The following CHST8 variants were observed in gnomAD, a reference collection of about 807,000 sequenced individuals.
The protein encoded by CHST8 is GALNAC-4-ST1.
In CHST8, 10 loss-of-function variants were observed where a neutral mutation model predicts 15.0. The ratio of observed to expected loss-of-function variants is 0.67; its 90% CI spans 0.41 to 1.13. The LOEUF is 1.13. CHST8 is among the 50% of genes most tolerant of loss of function. The pLI is 0.00. For missense variants in CHST8, 634 were observed against 608.2 expected, an observed-to-expected ratio of 1.04 and a Z score of -0.45; for synonymous variants, 259 against 256.6, an observed-to-expected ratio of 1.01 and a Z score of -0.09.
chr19:33,688,733 C>A (rs1393835984), intron 2 of CHST8, among the ~76,000 whole-genome samples: 2 of 152,176 alleles, frequency 1.3e-5, no homozygotes, highest in Admixed American at 6.5e-5. Flanking sequence ...AGGGTGGAGG[C>A]ACATCCAAGA....
chr19:33,691,789 G>A (rs1392791704), intron 3 of CHST8, among the ~76,000 whole-genome samples: 1 of 152,234 alleles, frequency 6.6e-6, no homozygotes, highest in Non-Finnish European at 1.5e-5. Flanking sequence ...CATTCTGGGA[G>A]TTGCCCTGCC....
intron 1 of CHST8, among the ~76,000 whole-genome samples, chr19:33,656,638 C>T (rs954535438): frequency 6.6e-6 from 1 of 152,002 alleles, no homozygotes; most frequent in Non-Finnish European, 1.5e-5. Flanking sequence ...AGGGCTCAGG[C>T]GATCCTCCCA....
rs527901496 is a variant in CHST8 at position 33,745,508 on chromosome 19, T to TAGCA, written c.131-25904_131-25901dup. The stretch of plus-strand genomic sequence containing the variant: ...GTGATTCAACCCTAACATTTCATCT[T>TAGCA]AGCATCTGCTCTCTCTGCCCCACTG... On this transcript the variant is annotated intron_variant, in intron 3 of 4. Transcript: ENST00000650847. Among the ~76,000 whole-genome samples the TAGCA allele has an allele frequency of 7.9e-5, 12 of 152,342 alleles. No homozygotes were observed. The South Asian group carries it at 2.3e-3, about 29-fold the overall frequency.
chr19:33,757,520 A>AAGAGAG (rs1491464750), intron 3 of CHST8, among the ~76,000 whole-genome samples: 1 of 20,680 alleles, frequency 4.8e-5, no homozygotes, highest in Non-Finnish European at 8.8e-5. Flanking sequence ...GAAAGAAAGA[A>AAGAGAG]AGAGAAAGAA....
chr19:33,627,500 G>A (rs1276143508), intron 1 of CHST8, among the ~76,000 whole-genome samples: 1 of 152,102 alleles, frequency 6.6e-6, no homozygotes, highest in East Asian at 1.9e-4. Context: ...CTGGGGCTGG[G>A]GGCAGCAGAC....
At chr19:33,661,903 G>A (rs1302533052) in intron 1 of CHST8, among the ~76,000 whole-genome samples, 2 of 151,558 alleles carry the variant, frequency 1.3e-5, no homozygotes, top group South Asian at 4.2e-4. Flanking sequence ...GGGTATGGTG[G>A]TGTGTGCCTG....
intron 1 of CHST8, among the ~76,000 whole-genome samples, chr19:33,651,799 T>G (rs1279149881): frequency 6.6e-6 from 1 of 152,196 alleles, no homozygotes; most frequent in African/African-American, 2.4e-5. Flanking sequence ...AGTGGAGAAT[T>G]CCTTTGTGTC....
At chr19:33,731,542 C>T (rs1973992207) in intron 3 of CHST8, among the ~76,000 whole-genome samples, 1 of 152,186 alleles carries the variant, frequency 6.6e-6, no homozygotes, top group African/African-American at 2.4e-5. Flanking sequence ...AGCTTCTTTA[C>T]CACAGCCTGC....
At chr19:33,771,319 G>A (rs1273297684) in intron 3 of CHST8, 94 bp from the exon 4 acceptor site, 4 of 1,261,702 alleles carry the variant, frequency 3.2e-6, no homozygotes, top group East Asian at 4.6e-5. Context: ...GATCCCTCCA[G>A]CCTGGATGTC....
chr19:33,734,207 C>T (rs1457823527), intron 3 of CHST8, among the ~76,000 whole-genome samples: 1 of 152,196 alleles, frequency 6.6e-6, no homozygotes, highest in East Asian at 1.9e-4. Context: ...GTCCTCACTG[C>T]TACACTCCCA....
intron 3 of CHST8, among the ~76,000 whole-genome samples, chr19:33,716,249 G>T (rs953446928): frequency 6.6e-6 from 1 of 152,078 alleles, no homozygotes; most frequent in Non-Finnish European, 1.5e-5. Flanking sequence ...TGTTTCCTCT[G>T]ATGTCATCTT....
chr19:33,709,114 A>G (rs1359013835), intron 3 of CHST8, among the ~76,000 whole-genome samples: 5 of 152,196 alleles, frequency 3.3e-5, no homozygotes, highest in Admixed American at 2.0e-4. Flanking sequence ...CTAATTGTTT[A>G]TGTAAATTCC....
chr19:33,713,838 G>A (rs932521738), intron 3 of CHST8, among the ~76,000 whole-genome samples: 5 of 152,004 alleles, frequency 3.3e-5, no homozygotes, highest in Non-Finnish European at 4.4e-5. Flanking sequence ...AATTACAGGC[G>A]TTGAGTTACC....
intron 3 of CHST8, among the ~76,000 whole-genome samples, chr19:33,739,935 G>A (rs1372746623): frequency 6.6e-6 from 1 of 152,154 alleles, no homozygotes; most frequent in Admixed American, 6.5e-5. Context: ...AAAGCTAATG[G>A]TTTGGGTTGG....
chr19:33,641,490 G>T (rs1258690848), intron 1 of CHST8, among the ~76,000 whole-genome samples: 1 of 152,210 alleles, frequency 6.6e-6, no homozygotes, highest in East Asian at 1.9e-4. Flanking sequence ...AGCTTGCGGT[G>T]AGGAGTTTTC....
At chr19:33,723,172 G>T (rs1045410857) in intron 3 of CHST8, among the ~76,000 whole-genome samples, 1 of 152,192 alleles carries the variant, frequency 6.6e-6, no homozygotes, top group Non-Finnish European at 1.5e-5. Flanking sequence ...GGTGGGATTG[G>T]ATCTTTGTGT....
chr19:33,635,432 AC>A (rs1174502947), intron 1 of CHST8, among the ~76,000 whole-genome samples: 1 of 152,046 alleles, frequency 6.6e-6, no homozygotes, highest in Non-Finnish European at 1.5e-5. Context: ...CACAACCCTG[AC>A]TTAGCTAGCA....
chr19:33,654,179 T>C (rs762330249), intron 1 of CHST8, among the ~76,000 whole-genome samples: 1 of 152,220 alleles, frequency 6.6e-6, no homozygotes, highest in African/African-American at 2.4e-5. Flanking sequence ...CTCTTGGAAT[T>C]CTACGGAGAG....
chr19:33,657,793 A>ACTCCTGGG (rs1972531667), intron 1 of CHST8, among the ~76,000 whole-genome samples: 2 of 151,762 alleles, frequency 1.3e-5, no homozygotes, highest in African/African-American at 4.8e-5. Flanking sequence ...CTGGTCTCAA[A>ACTCCTGGG]CTCCTGGGCT....
Sources: allele counts gnomAD v4.1 joint callset (sites outside exome capture counted in the v4.1 genomes callset), GRCh38; gene constraint gnomAD v4.1.1; transcripts MANE v1.5; gene names NCBI Gene and HGNC (gene_info 2026-07-23, HGNC 2026-07-21).